The following CNTN6 variants were observed in gnomAD, a reference collection of about 807,000 sequenced individuals.
The protein encoded by CNTN6 is contactin 6, also known as contactin-6.
In CNTN6, 137 loss-of-function variants were observed where a neutral mutation model predicts 122.8. The observed-to-expected ratio is 1.12, with a 90% CI of 0.97 to 1.29. The LOEUF is 1.29. CNTN6 is among the 50% of genes most tolerant of loss of function. CNTN6 has a pLI of 0.00. For synonymous variants in CNTN6, 570 were observed against 426.0 expected, an observed-to-expected ratio of 1.34 and a Z score of -4.16; for missense variants, 1,634 against 1,223.4, an observed-to-expected ratio of 1.34 and a Z score of -5.01.
intron 2 of CNTN6, among the ~76,000 whole-genome samples, chr3:1,220,211 C>G (rs2094189102): frequency 6.6e-6 from 1 of 151,662 alleles, no homozygotes; most frequent in Non-Finnish European, 1.5e-5. Flanking sequence ...TGGCAGGCAC[C>G]TGTAGTTCTA....
intron 1 of CNTN6, among the ~76,000 whole-genome samples, chr3:1,145,593 A>G (rs758372947): frequency 4.6e-5 from 7 of 151,980 alleles, no homozygotes; most frequent in Admixed American, 2.6e-4. Flanking sequence ...TAATTCTGCC[A>G]TGACAATTGG....
intron 2 of CNTN6, among the ~76,000 whole-genome samples, chr3:1,156,234 T>C (rs2092959045): frequency 1.3e-5 from 2 of 152,334 alleles, no homozygotes; most frequent in South Asian, 4.1e-4. Context: ...ATCCAATCTT[T>C]AACACACTTA....
intron 2 of CNTN6, among the ~76,000 whole-genome samples, chr3:1,203,270 G>A (rs1227198404): frequency 6.6e-6 from 1 of 152,162 alleles, no homozygotes; most frequent in Non-Finnish European, 1.5e-5. Flanking sequence ...TGAGAAAAGA[G>A]CTCACAAAGA....
rs141819393 is a variant in CNTN6, at chr3:1,212,123, AAGGT to A, written c.56-8560_56-8557del. On this transcript the variant is annotated intron_variant, in intron 2 of 22. Coordinates refer to ENST00000446702, the MANE Select transcript of CNTN6 (RefSeq NM_001289080.2). ...TTCCATAGAAGATAATGGAGGAAGA[AAGGT>A]AGGGCAGAACCCTTTATGCATTTTC... Among the ~76,000 whole-genome samples, 15 of 152,300 alleles carry A rather than the reference AAGGT, an allele frequency of 9.8e-5. No homozygotes were observed. In the East Asian group the frequency reaches 2.5e-3, roughly 25 times the overall value.
chr3:1,284,881 A>C (rs570324882), intron 5 of CNTN6, among the ~76,000 whole-genome samples: 1 of 152,146 alleles, frequency 6.6e-6, no homozygotes, highest in Non-Finnish European at 1.5e-5. Context: ...GGAGAACGGC[A>C]CTGAGGTCAG....
At chr3:1,269,202 A>G (rs1034061215) in intron 4 of CNTN6, among the ~76,000 whole-genome samples, 1 of 152,186 alleles carries the variant, frequency 6.6e-6, no homozygotes, top group African/African-American at 2.4e-5. Context: ...TGAGGTAGAA[A>G]GATACTAAAT....
At chr3:1,131,101 T>C (rs2092323913) in intron 1 of CNTN6, among the ~76,000 whole-genome samples, 1 of 152,110 alleles carries the variant, frequency 6.6e-6, no homozygotes, top group South Asian at 2.1e-4. Context: ...AGGTCTGCTC[T>C]GATACCTGCT....
intron 4 of CNTN6, 99 bp from the exon 5 acceptor site, chr3:1,278,314 T>G: frequency 1.2e-6 from 1 of 802,120 alleles, no homozygotes; most frequent in Non-Finnish European, 2.0e-6. Context: ...AGTATGAGAT[T>G]AATTCCCCTT....
intron 2 of CNTN6, among the ~76,000 whole-genome samples, chr3:1,186,911 T>C (rs2093635678): frequency 6.6e-6 from 1 of 151,800 alleles, no homozygotes; most frequent in South Asian, 2.1e-4. Context: ...TCTGCCCAAA[T>C]ACAGATAGAA....
intron 2 of CNTN6, among the ~76,000 whole-genome samples, chr3:1,195,414 T>C (rs989258124): frequency 3.3e-5 from 5 of 152,162 alleles, no homozygotes; most frequent in Non-Finnish European, 5.9e-5. Context: ...AAAATACCTA[T>C]GTATCAGGGA....
At chr3:1,343,031 T>C (rs1026079202) in intron 11 of CNTN6, among the ~76,000 whole-genome samples, 6 of 152,062 alleles carry the variant, frequency 3.9e-5, no homozygotes, top group African/African-American at 1.4e-4. Flanking sequence ...TCTTCCTCCT[T>C]CTCCTCAGCC....
At chr3:1,327,790 C>T (rs542689747) in intron 10 of CNTN6, among the ~76,000 whole-genome samples, 2 of 151,820 alleles carry the variant, frequency 1.3e-5, no homozygotes, top group African/African-American at 4.8e-5. Flanking sequence ...AGAAAAAAAC[C>T]CACCATTGGG....
chr3:1,317,888 T>TAAAAAAAAAAAAAAAAAAAAA (rs76953561), intron 7 of CNTN6, among the ~76,000 whole-genome samples: 1 of 130,750 alleles, frequency 7.6e-6, no homozygotes, highest in Non-Finnish European at 1.7e-5. Flanking sequence ...AAATGCAGGT[T>TAAAAAAAAAAAAAAAAAAAAA]AAAAAAAAAA....
intron 2 of CNTN6, among the ~76,000 whole-genome samples, chr3:1,173,773 T>C (rs1252371770): frequency 3.3e-5 from 4 of 122,412 alleles, no homozygotes; most frequent in Non-Finnish European, 5.4e-5. Context: ...ATTTTCCTTT[T>C]GGGGAAAAAA....
rs191427874 is a variant in CNTN6, at chr3:1,120,809, A to C, written c.-82-27118A>C. Among the ~76,000 whole-genome samples, 1,166 of 151,970 alleles carry C rather than the reference A, an allele frequency of 7.7e-3. 23 individuals are homozygous for C. Among genetic ancestry groups the C allele is most frequent in the African/African-American group, 0.025 (1,038 of 41,542 alleles). On this transcript the variant is annotated intron_variant, in intron 1 of 22. Coordinates refer to ENST00000446702, the MANE Select transcript of CNTN6 (RefSeq NM_001289080.2). ...AAATTGATTTTTGTGGATAGTGTAG[A>C]GTTTCATACAGATATCTTGTTTTTC...
At chr3:1,178,410 T>G (rs1173161692) in intron 2 of CNTN6, among the ~76,000 whole-genome samples, 1 of 152,190 alleles carries the variant, frequency 6.6e-6, no homozygotes, top group Non-Finnish European at 1.5e-5. Context: ...ATGTTTTCCA[T>G]TCCTAGATTT....
intron 4 of CNTN6, among the ~76,000 whole-genome samples, chr3:1,244,024 A>G (rs1018972401): frequency 2.0e-5 from 3 of 152,134 alleles, no homozygotes; most frequent in African/African-American, 7.2e-5. Context: ...ACCTCAGACC[A>G]TTTGCCCATT....
intron 7 of CNTN6, among the ~76,000 whole-genome samples, chr3:1,302,560 C>G (rs1362908135): frequency 6.6e-6 from 1 of 151,942 alleles, no homozygotes; most frequent in East Asian, 1.9e-4. Context: ...TATAGAAAGA[C>G]CAGCTCCAGT....
In CNTN6 at chr3:1,321,579, G is replaced by C. The variant is rs1241036191; in HGVS notation, c.762-71G>C. On this transcript the variant is annotated intron_variant, in intron 7 of 22. Transcript: ENST00000446702. ...ATTTTTCTTGAGAGTTATTTGTATG[G>C]ATGCTCTTCTTTTATTTTGCTGTCA... 6.0e-6 allele frequency: 8 copies of C among 1,324,714 alleles called. No homozygotes were observed. In the Admixed American group the frequency reaches 1.9e-4, roughly 32 times the overall value. 82.1% of individuals were successfully genotyped at this position (1,324,714 alleles called of 1,614,324 possible). A position where few individuals can be genotyped will look rare whatever the true frequency, so the allele number is the denominator to read the frequency against.
Sources: gnomAD v4.1 joint callset for allele counts (sites outside exome capture counted in the v4.1 genomes callset) on GRCh38, gnomAD v4.1.1 for gene constraint, MANE v1.5 for transcripts, NCBI Gene and HGNC (gene_info 2026-07-23, HGNC 2026-07-21) for gene names.